CAPN1: variants seen among roughly 807,000 people sequenced by gnomAD.
CAPN1 encodes the protein calpain 1, also known as calpain-1 catalytic subunit.
CAPN1 carries 77 observed loss-of-function variants against 105.2 expected under a neutral mutation model. The ratio of observed to expected loss-of-function variants is 0.73; its 90% CI spans 0.61 to 0.88. CAPN1 has a LOEUF of 0.88. Ranked by LOEUF, CAPN1 falls within the 40% of genes least tolerant of loss-of-function variation. The pLI, the probability that CAPN1 is intolerant of heterozygous loss-of-function variation, is 0.00. For synonymous variants in CAPN1, 355 were observed against 388.8 expected, an observed-to-expected ratio of 0.91 and a Z score of 1.02; for missense variants, 833 against 976.6, an observed-to-expected ratio of 0.85 and a Z score of 1.96.
chr11:65,205,817 A>T, intron 12 of CAPN1, 96 bp downstream of exon 12: 1 of 1,136,416 alleles, frequency 8.8e-7, no homozygotes, highest in Non-Finnish European at 1.3e-6. Context: ...CTGGAGAGCT[A>T]AGAAGTCACC....
In CAPN1 at chr11:65,188,861, A is replaced by G; in HGVS notation, c.1165+115A>G. 1.1e-6 allele frequency: 1 copy of G among 897,032 alleles called. No homozygotes were observed. The highest frequency in any genetic ancestry group is 1.7e-6 in the Non-Finnish European group (1 of 600,436). The allele number at this position is 897,032 out of a possible 1,614,324, so 55.6% of individuals were successfully genotyped here. A position where few individuals can be genotyped will look rare whatever the true frequency, so the allele number is the denominator to read the frequency against. ...TGCAAGATATAGGCTGATCTCTTGAATTTGCTTTGAGGAGTAAAATATTAA... is the reference window on the plus strand; with the variant it reads ...TGCAAGATATAGGCTGATCTCTTGAGTTTGCTTTGAGGAGTAAAATATTAA... On this transcript the variant is annotated intron_variant, in intron 10 of 21. Transcript: ENST00000279247. The surrounding 1 kb of genome is among the most constrained non-coding windows in gnomAD (Gnocchi z 5.5).
At chr11:65,181,600 C>A, upstream of CAPN1, 1 of 414,826 alleles carries the variant, frequency 2.4e-6, no homozygotes, top group Non-Finnish European at 4.8e-6. This position sits in a 1 kb window ranked among gnomAD's most constrained non-coding sequence, Gnocchi z 4.6. Flanking sequence ...AGCTGCTGCC[C>A]CTGGTTAAAA....
In CAPN1 at chr11:65,209,991, G is replaced by GCCCTCACCCTCT. The variant is rs770012018; in HGVS notation, c.1864-27_1864-26insCCCTCACCCTCT. 6.2e-7 allele frequency: 1 copy of GCCCTCACCCTCT among 1,612,638 alleles called. No individual in the cohort carries two copies. The highest frequency in any genetic ancestry group is 8.5e-7 in the Non-Finnish European group (1 of 1,179,288). On this transcript the variant is annotated intron_variant, in intron 18 of 21. Transcript: ENST00000279247. The surrounding 1 kb of genome is among the most constrained non-coding windows in gnomAD (Gnocchi z 4.1). ...TGGGAAGGGCCGGGTGACTCAGCCTGGCCCTCACCCTCTGCCGCCACCTCA... is the reference window on the plus strand; with the variant it reads ...TGGGAAGGGCCGGGTGACTCAGCCTGCCCTCACCCTCTGCCCTCACCCTCTGCCGCCACCTCA...
intron 10 of CAPN1, among the ~76,000 whole-genome samples, chr11:65,192,862 C>T (rs1948737280): frequency 1.3e-5 from 2 of 152,070 alleles, no homozygotes; most frequent in Admixed American, 1.3e-4. Flanking sequence ...CCACCTTGGC[C>T]TCCCAAAGTG....
In CAPN1 at chr11:65,209,667, C is replaced by T. The variant is rs1949014561; in HGVS notation, c.1795-182C>T. 2 of 669,988 alleles carry T rather than the reference C, an allele frequency of 3.0e-6. No homozygotes were observed. Among genetic ancestry groups the T allele is most frequent in the Non-Finnish European group, 5.2e-6 (2 of 383,072 alleles). 41.5% of individuals were successfully genotyped at this position (669,988 alleles called of 1,614,324 possible). On this transcript the variant is annotated intron_variant, in intron 17 of 21. Transcript: ENST00000279247. The surrounding 1 kb of genome is among the most constrained non-coding windows in gnomAD (Gnocchi z 4.1). The stretch of plus-strand genomic sequence containing the variant: ...GACCCCTCCCCAGCCCACTCCACTG[C>T]AGCCCAGCTCAGAGAATAAGGCAAG...
chr11:65,210,058 T>C lies in CAPN1; in HGVS notation c.1904T>C (p.Met635Thr), dbSNP rs1419129341. The change falls in exon 19 of 22, where the codon ATG (methionine) becomes ACG (threonine). Residue 635 changes from methionine to threonine, a missense_variant. Transcript: ENST00000279247. The surrounding 1 kb of genome is among the most constrained non-coding windows in gnomAD (Gnocchi z 4.3). ...TTTGACCTGGACAAGTCGGGCAGCA[T>C]GAGTGCCTACGAGATGCGGATGGCC... is the stretch of plus-strand genomic sequence containing the variant. The part of the protein sequence containing the change: ...RKFDLDKSGS[M>T]SAYEMRMAIE... 2 of 1,612,794 alleles carry C rather than the reference T, an allele frequency of 1.2e-6. No homozygotes were observed. The highest frequency in any genetic ancestry group is 1.7e-6 in the Non-Finnish European group (2 of 1,179,782).
At position 65,210,241 on chromosome 11, in the gene CAPN1, C is replaced by T; in HGVS notation, c.1943-95C>T. The T allele has an allele frequency of 8.8e-7, 1 of 1,141,100 alleles. No homozygotes were observed. The highest frequency in any genetic ancestry group is 1.3e-6 in the Non-Finnish European group (1 of 768,278). 70.7% of individuals were successfully genotyped at this position (1,141,100 alleles called of 1,614,324 possible). A position where few individuals can be genotyped will look rare whatever the true frequency, so the allele number is the denominator to read the frequency against. On this transcript the variant is annotated intron_variant, in intron 19 of 21. Coordinates refer to ENST00000279247, the MANE Select transcript of CAPN1 (RefSeq NM_005186.4). The surrounding 1 kb of genome is among the most constrained non-coding windows in gnomAD (Gnocchi z 4.3). ...TTTCCCCACGGTTACTAGCACCCTG[C>T]CTAGCCCCAGCCCCCTCCTGGGGAC...
At chr11:65,201,488 T>C (rs1948868026) in intron 10 of CAPN1, among the ~76,000 whole-genome samples, 1 of 152,154 alleles carries the variant, frequency 6.6e-6, no homozygotes, top group Admixed American at 6.5e-5. Context: ...TATTTTTTCC[T>C]TCCCTCCAGG....
At chr11:65,181,585 AC>A (rs1353380021), upstream of CAPN1, 2 of 414,802 alleles carry the variant, frequency 4.8e-6, no homozygotes, top group East Asian at 2.3e-4. The surrounding 1 kb of genome is among the most constrained non-coding windows in gnomAD (Gnocchi z 4.6). Context: ...CGGCCCTGCA[AC>A]TCGAGCTGCT....
chr11:65,207,777 G>A (rs1030052501), intron 14 of CAPN1, among the ~76,000 whole-genome samples: 1 of 152,062 alleles, frequency 6.6e-6, no homozygotes, highest in African/African-American at 2.4e-5. Context: ...GCCGGGCATG[G>A]TGGTGGGCAC....
In CAPN1 at chr11:65,210,479, C is replaced by A; in HGVS notation, c.2059+27C>A. ...TGAGTGTCCCCAACTGCCTCCCACC[C>A]TCCAGCTCCGTCCCAAACGCGTCCC... On this transcript the variant is annotated intron_variant, in intron 20 of 21. Coordinates refer to ENST00000279247, the MANE Select transcript of CAPN1 (RefSeq NM_005186.4). The surrounding 1 kb of genome is among the most constrained non-coding windows in gnomAD (Gnocchi z 4.3). 1.4e-6 allele frequency: 2 copies of A among 1,393,562 alleles called. No homozygotes were observed. The highest frequency in any genetic ancestry group is 1.4e-5 in the African/African-American group (1 of 70,692). 86.3% of individuals were successfully genotyped at this position (1,393,562 alleles called of 1,614,324 possible).
At chr11:65,199,057 A>T (rs908900498) in intron 10 of CAPN1, among the ~76,000 whole-genome samples, 1 of 152,122 alleles carries the variant, frequency 6.6e-6, no homozygotes, top group Admixed American at 6.6e-5. Context: ...CTAGTCTCGA[A>T]CACCTGGCCT....
intron 11 of CAPN1, 84 bp downstream of exon 11, chr11:65,204,942 C>A: frequency 9.3e-7 from 1 of 1,072,936 alleles, no homozygotes. Context: ...CGGGCTTCCA[C>A]CAGGGGGCGC....
At chr11:65,187,545 G>A (rs1204888407) in intron 7 of CAPN1, 3 of 564,290 alleles carry the variant, frequency 5.3e-6, no homozygotes, top group South Asian at 2.0e-5. Context: ...TCATCTGGGT[G>A]CTGAGCAGGG....
chr11:65,197,226 GAAA>G (rs1948803721), intron 10 of CAPN1, among the ~76,000 whole-genome samples: 3 of 14,742 alleles, frequency 2.0e-4, no homozygotes, highest in African/African-American at 3.2e-4. Flanking sequence ...ATTACTGAAA[GAAA>G]GAAAGAAAGA....
Position 65,187,223 on chromosome 11 carries a change from C to T in CAPN1, c.768C>T (p.Ser256=), listed in dbSNP as rs534960869. The part of the protein sequence containing the change: ...SLLGCSIDIS[S]VLDMEAITFK... ...TGTGCCTCTTTCTGCAGATCTCCAGCGTTCTAGACATGGAGGCCATCACTT... is the reference window on the plus strand; with the variant it reads ...TGTGCCTCTTTCTGCAGATCTCCAGTGTTCTAGACATGGAGGCCATCACTT... Residue 256 remains serine, a synonymous_variant, in exon 7 of 22, where the codon AGC becomes AGT. Coordinates refer to ENST00000279247, the MANE Select transcript of CAPN1 (RefSeq NM_005186.4). The T allele has an allele frequency of 2.7e-4, 443 of 1,612,106 alleles. 2 individuals carry two copies. In the South Asian group the frequency reaches 4.7e-3, roughly 17 times the overall value.
intron 10 of CAPN1, among the ~76,000 whole-genome samples, chr11:65,191,241 A>T (rs148405605): frequency 6.6e-6 from 1 of 152,280 alleles, no homozygotes; most frequent in African/African-American, 2.4e-5. Context: ...AAGAATTTAT[A>T]CATCTCTTGA....
chr11:65,198,465 T>C lies in CAPN1; in HGVS notation c.1166-6218T>C, dbSNP rs539166815. Reference sequence around the variant, plus strand: ...CCAGCCCTAATCAATGACTTTACCCTCCTCGTGAACAATGCATAAACCTTA... The same window carrying C: ...CCAGCCCTAATCAATGACTTTACCCCCCTCGTGAACAATGCATAAACCTTA... On this transcript the variant is annotated intron_variant, in intron 10 of 21. Transcript: ENST00000279247. 9.4e-4 allele frequency among the ~76,000 whole-genome samples: 143 copies of C among 152,208 alleles called. No individual in the cohort carries two copies. The Middle Eastern group carries it at 0.01, about 11-fold the overall frequency.
intron 21 of CAPN1, 72 bp from the exon 22 acceptor site, chr11:65,211,188 C>T: frequency 6.4e-7 from 1 of 1,562,580 alleles, no homozygotes; most frequent in South Asian, 1.1e-5. Flanking sequence ...GGGGCTGGAC[C>T]TGGGGTTTGG....
Sources: gnomAD v4.1 joint callset for allele counts (sites outside exome capture counted in the v4.1 genomes callset) on GRCh38, gnomAD v4.1.1 for gene constraint, Gnocchi (gnomAD v3.1) non-coding constraint, MANE v1.5 for transcripts, NCBI Gene and HGNC (gene_info 2026-07-23, HGNC 2026-07-21) for gene names.